Variants in IFT20 observed in about 807,000 individuals in gnomAD.
IFT20 encodes the protein intraflagellar transport protein 20 homolog.
IFT20 carries 4 observed loss-of-function variants against 16.9 expected under a neutral mutation model. The observed-to-expected ratio is 0.24, with a 90% CI of 0.12 to 0.54. The LOEUF (loss-of-function observed/expected upper bound fraction) is 0.54. IFT20 is among the 20% of genes least tolerant of loss of function. The pLI, the probability that IFT20 is intolerant of heterozygous loss-of-function variation, is 0.95. For synonymous variants in IFT20, 48 were observed against 49.9 expected (o/e 0.96, Z 0.16); for missense variants, 154 against 149.7 (o/e 1.03, Z -0.15).
intron 2 of IFT20, among the ~76,000 whole-genome samples, chr17:28,330,894 C>A (rs782660789): frequency 6.6e-6 from 1 of 152,226 alleles, no homozygotes; most frequent in Admixed American, 6.5e-5. Flanking sequence ...ATACTCGGAC[C>A]TTGCATCCCC....
intron 1 of IFT20, chr17:28,332,445 T>C (rs991962514): frequency 1.1e-5 from 5 of 439,366 alleles, no homozygotes; most frequent in South Asian, 1.1e-4. Context: ...TTTAGAAACA[T>C]CAGTAAAGAG....
At chr17:28,332,376 A>G in intron 1 of IFT20, 1 of 588,418 alleles carries the variant, frequency 1.7e-6, no homozygotes, top group Non-Finnish European at 2.9e-6. Flanking sequence ...AAGAGCACAT[A>G]GTTCAGCTGG....
chr17:28,332,241 GAATA>G (rs1567781925), intron 1 of IFT20: 2 of 1,532,286 alleles, frequency 1.3e-6, no homozygotes, highest in Non-Finnish European at 8.7e-7. Flanking sequence ...GGTCAGGAAA[GAATA>G]AAGTCCGCTT....
chr17:28,329,432 C>T (rs1555576095), intron 3 of IFT20, 156 bp from the exon 4 acceptor site: 3 of 605,082 alleles, frequency 5.0e-6, no homozygotes, highest in African/African-American at 3.7e-5. Flanking sequence ...AAGGATTAAC[C>T]TACTGATCAC....
Position 28,328,934 on chromosome 17 carries a change from G to A in IFT20, c.318-201C>T, listed in dbSNP as rs1369275270. 9.7e-6 allele frequency: 6 copies of A among 620,916 alleles called. No homozygotes were observed. In the Admixed American group the frequency reaches 1.6e-4, roughly 17 times the overall value. The allele number at this position is 620,916 out of a possible 1,614,324, so 38.5% of individuals were successfully genotyped here. On this transcript the variant is annotated intron_variant, in intron 4 of 4. Transcript: ENST00000395418. ...AGGAAAGTCTTCTTTCAGAGAGCCA[G>A]CCAACTTCGTGGACCCTTTCATGCT...
intron 1 of IFT20, among the ~76,000 whole-genome samples, chr17:28,333,460 A>C (rs1490397316): frequency 1.3e-5 from 2 of 152,228 alleles, no homozygotes; most frequent in Non-Finnish European, 2.9e-5. Flanking sequence ...TAATCCAAAA[A>C]TTTTAAGTAA....
intron 1 of IFT20, chr17:28,332,469 G>A: frequency 5.2e-6 from 2 of 383,236 alleles, no homozygotes; most frequent in Non-Finnish European, 9.8e-6. Flanking sequence ...GAGGAGGACA[G>A]AGCCATTAAT....
intron 2 of IFT20, chr17:28,331,585 A>C: frequency 2.4e-6 from 1 of 408,824 alleles, no homozygotes; most frequent in Non-Finnish European, 4.5e-6. Flanking sequence ...TGTTCCCAGA[A>C]AGTTTAAGGT....
At chr17:28,331,746 G>T (rs1906797308) in intron 2 of IFT20, 113 bp downstream of exon 2, 1 of 1,402,430 alleles carries the variant, frequency 7.1e-7, no homozygotes, top group Non-Finnish European at 9.9e-7. Context: ...ACAGACGCCA[G>T]ATTCAACCTC....
At position 28,328,502 on chromosome 17, in the gene IFT20, T is replaced by C; in HGVS notation, c.*150A>G. 1.5e-6 allele frequency: 1 copy of C among 655,150 alleles called. No homozygotes were observed. Among genetic ancestry groups the C allele is most frequent in the Non-Finnish European group, 2.7e-6 (1 of 364,640 alleles). 40.6% of individuals were successfully genotyped at this position (655,150 alleles called of 1,614,324 possible). On this transcript the variant is annotated 3_prime_UTR_variant, in exon 5 of 5. Coordinates refer to ENST00000395418, the MANE Select transcript of IFT20 (RefSeq NM_001267776.2). ...GTTAAAACTGGCTCCCCCAGACTTG[T>C]AGTGCTGTCTTCAGGGGGCTGCATT...
chr17:28,333,221 C>T (rs1339321164), intron 1 of IFT20, among the ~76,000 whole-genome samples: 2 of 152,216 alleles, frequency 1.3e-5, no homozygotes, highest in Non-Finnish European at 2.9e-5. Flanking sequence ...TCTACCATCA[C>T]CTGGACTTGC....
At chr17:28,332,091 C>T in intron 1 of IFT20, 104 bp from the exon 2 acceptor site, 6 of 1,605,762 alleles carry the variant, frequency 3.7e-6, no homozygotes, top group Non-Finnish European at 5.1e-6. Context: ...ATGCCAAAAA[C>T]CCAGGTGTTC....
At chr17:28,332,192 G>T in intron 1 of IFT20, 1 of 1,537,212 alleles carries the variant, frequency 6.5e-7, no homozygotes, top group South Asian at 1.2e-5. Context: ...CTGAAGGAGT[G>T]ACAGTGGCAG....
chr17:28,330,653 G>A (rs1443221964), intron 2 of IFT20, 125 bp from the exon 3 acceptor site: 1 of 684,766 alleles, frequency 1.5e-6, no homozygotes, highest in East Asian at 2.7e-5. Context: ...ATAGTTCGGT[G>A]TGGGCCAGGC....
At chr17:28,334,516 G>T (rs970219699) in intron 1 of IFT20, among the ~76,000 whole-genome samples, 6 of 152,266 alleles carry the variant, frequency 3.9e-5, no homozygotes, top group Non-Finnish European at 8.8e-5. Context: ...TAATGGGACA[G>T]CCAGCGGGTT....
chr17:28,328,574 G>T lies in IFT20; in HGVS notation c.*78C>A. On this transcript the variant is annotated 3_prime_UTR_variant, in exon 5 of 5. Transcript: ENST00000395418. Reference sequence around the variant, plus strand: ...ACATAGGTCATTGGTCAAGCCGCTGGAATGCTACAGAGGTTTTTTTGGTTT... The same window carrying T: ...ACATAGGTCATTGGTCAAGCCGCTGTAATGCTACAGAGGTTTTTTTGGTTT... The T allele has an allele frequency of 1.2e-6, 1 of 869,294 alleles. No homozygotes were observed. Among genetic ancestry groups the T allele is most frequent in the Non-Finnish European group, 1.8e-6 (1 of 541,956 alleles). The allele number at this position is 869,294 out of a possible 1,614,324, so 53.8% of individuals were successfully genotyped here.
At chr17:28,329,346 AG>A (rs1228864991) in intron 3 of IFT20, 70 bp from the exon 4 acceptor site, 33 of 1,225,342 alleles carry the variant, frequency 2.7e-5, no homozygotes, top group Non-Finnish European at 3.8e-5. Context: ...CAAAGTGGGG[AG>A]GGGTTATCTG....
At chr17:28,333,862 T>C (rs1453237571) in intron 1 of IFT20, among the ~76,000 whole-genome samples, 3 of 151,624 alleles carry the variant, frequency 2.0e-5, no homozygotes, top group Non-Finnish European at 4.4e-5. Flanking sequence ...GCCCAGGAGG[T>C]GGAGGCTGCA....
chr17:28,329,769 T>C (rs1906609874), intron 3 of IFT20: 1 of 165,028 alleles, frequency 6.1e-6, no homozygotes, highest in African/African-American at 2.4e-5. Flanking sequence ...TTACTAAAAA[T>C]ACAAAAAAAT....
Sources: allele counts gnomAD v4.1 joint callset (sites outside exome capture counted in the v4.1 genomes callset), GRCh38; gene constraint gnomAD v4.1.1; transcripts MANE v1.5; gene names NCBI Gene and HGNC (gene_info 2026-07-23, HGNC 2026-07-21).